The following CHST8 variants were observed in gnomAD, a reference collection of about 807,000 sequenced individuals.
CHST8 encodes the protein carbohydrate sulfotransferase 8, also known as GALNAC-4-ST1.
Under a neutral mutation model 15.0 loss-of-function variants are expected in CHST8, and 10 were observed. That is an observed-to-expected ratio of 0.67 (90% confidence interval 0.41 to 1.13). The LOEUF is 1.13. Ranked by LOEUF, CHST8 falls within the 50% of genes most tolerant of loss-of-function variation. The pLI, the probability that CHST8 is intolerant of heterozygous loss-of-function variation, is 0.00. For synonymous variants in CHST8, 259 were observed against 256.6 expected (o/e 1.01, Z -0.09); for missense variants, 634 against 608.2 (o/e 1.04, Z -0.45).
chr19:33,772,563 G>A lies in CHST8; in HGVS notation c.775G>A (p.Glu259Lys). ...STYTKMLFVREPFERLVSAFR... is the reference protein window; with the variant it reads ...STYTKMLFVRKPFERLVSAFR... ...CTACACCAAGATGCTCTTTGTCCGC[G>A]AGCCCTTCGAGAGGCTGGTGTCCGC... The change falls in exon 5 of 5, where the codon GAG becomes AAG. Residue 259 changes from glutamate to lysine, a missense_variant. Transcript: ENST00000650847. 1 of 1,614,060 alleles carries A rather than the reference G, an allele frequency of 6.2e-7. No individual in the cohort carries two copies. Among genetic ancestry groups the A allele is most frequent in the Non-Finnish European group, 8.5e-7 (1 of 1,180,024 alleles).
At chr19:33,699,994 GCT>G (rs1235282264) in intron 3 of CHST8, among the ~76,000 whole-genome samples, 1 of 152,210 alleles carries the variant, frequency 6.6e-6, no homozygotes, top group Non-Finnish European at 1.5e-5. Flanking sequence ...ACCCCTACCT[GCT>G]CTCTCTGAGC....
intron 1 of CHST8, among the ~76,000 whole-genome samples, chr19:33,650,108 G>A (rs1972415228): frequency 6.6e-6 from 1 of 152,146 alleles, no homozygotes; most frequent in African/African-American, 2.4e-5. Flanking sequence ...TAATGTTCAT[G>A]CTGGTCAGTT....
chr19:33,727,552 G>A (rs536976433), intron 3 of CHST8, among the ~76,000 whole-genome samples: 9 of 152,344 alleles, frequency 5.9e-5, no homozygotes, highest in Non-Finnish European at 1.2e-4. Flanking sequence ...CCTCAGCACC[G>A]GATGGGGCTG....
chr19:33,699,388 C>T (rs187651231), intron 3 of CHST8, among the ~76,000 whole-genome samples: 10 of 152,228 alleles, frequency 6.6e-5, no homozygotes, highest in East Asian at 1.9e-4. Context: ...GGCTCAGCGG[C>T]GCCTGGGGGA....
In CHST8 at chr19:33,773,080, C is replaced by T. The variant is rs1265700393; in HGVS notation, c.*17C>T. ...CTGTACTGAGGGGCGCCGCAGCTGG[C>T]CGGGGCCGCCCTGCCCCGGTCACTC... On this transcript the variant is annotated 3_prime_UTR_variant, in exon 5 of 5. Coordinates refer to ENST00000650847, the MANE Select transcript of CHST8 (RefSeq NM_001127895.2). 1 of 1,571,412 alleles carries T rather than the reference C, an allele frequency of 6.4e-7. No individual in the cohort carries two copies. Among genetic ancestry groups the T allele is most frequent in the South Asian group, 1.2e-5 (1 of 86,736 alleles).
intron 1 of CHST8, among the ~76,000 whole-genome samples, chr19:33,631,740 G>A (rs1291903480): frequency 6.6e-6 from 1 of 152,000 alleles, no homozygotes; most frequent in Non-Finnish European, 1.5e-5. Flanking sequence ...ATGTGTCAGC[G>A]CACAGCCATG....
chr19:33,651,271 C>T (rs191061823), intron 1 of CHST8, among the ~76,000 whole-genome samples: 25 of 151,944 alleles, frequency 1.6e-4, no homozygotes, highest in South Asian at 2.1e-4. Flanking sequence ...AAGTATTTTC[C>T]GGACAATGTT....
Position 33,683,425 on chromosome 19 carries a change from T to G in CHST8, c.-86-5751T>G, listed in dbSNP as rs540564832. Among the ~76,000 whole-genome samples, 577 of 152,304 alleles carry G rather than the reference T, an allele frequency of 3.8e-3. 5 individuals are homozygous for G. Among genetic ancestry groups the G allele is most frequent in the African/African-American group, 0.013 (554 of 41,558 alleles). On this transcript the variant is annotated intron_variant, in intron 2 of 4. Coordinates refer to ENST00000650847, the MANE Select transcript of CHST8 (RefSeq NM_001127895.2). ...TGAGGAGGCAAAAGTGAGGTCCTGG[T>G]GGCGAGCGGGCCTCGGGTATTTCAA...
chr19:33,743,543 T>C (rs1599609828), intron 3 of CHST8, among the ~76,000 whole-genome samples: 2 of 152,144 alleles, frequency 1.3e-5, no homozygotes, highest in African/African-American at 4.8e-5. Context: ...CCTCGTGATC[T>C]GCCCACCTCG....
chr19:33,698,395 AAAAAAAAG>A (rs1033576934), intron 3 of CHST8, among the ~76,000 whole-genome samples: 2 of 149,132 alleles, frequency 1.3e-5, no homozygotes, highest in Non-Finnish European at 3.0e-5. Flanking sequence ...AAAGAAAAAA[AAAAAAAAG>A]AAAGAAAGAA....
At chr19:33,763,297 A>G (rs1974772794) in intron 3 of CHST8, among the ~76,000 whole-genome samples, 2 of 152,180 alleles carry the variant, frequency 1.3e-5, no homozygotes, top group African/African-American at 2.4e-5. Context: ...ACTGTGACTG[A>G]GTTTGATCAT....
In CHST8 at chr19:33,746,168, T is replaced by A. The variant is rs543024355; in HGVS notation, c.131-25245T>A. Among the ~76,000 whole-genome samples the A allele has an allele frequency of 1.0e-3, 157 of 152,344 alleles. 1 individual carries two copies. The highest frequency in any genetic ancestry group is 1.6e-3 in the Non-Finnish European group (109 of 68,024). ...CTGCAAAACTAAAATAGCATTTTTT[T>A]AAAAAACATGGCACTTTAGAGTTCT... On this transcript the variant is annotated intron_variant, in intron 3 of 4. Coordinates refer to ENST00000650847, the MANE Select transcript of CHST8 (RefSeq NM_001127895.2).
At chr19:33,714,274 G>A (rs368106946) in intron 3 of CHST8, among the ~76,000 whole-genome samples, 2 of 151,906 alleles carry the variant, frequency 1.3e-5, no homozygotes, top group Non-Finnish European at 2.9e-5. Flanking sequence ...GAGAGAATTC[G>A]GTAAAGAAAA....
At chr19:33,637,666 T>A (rs58893647) in intron 1 of CHST8, among the ~76,000 whole-genome samples, 2 of 146,758 alleles carry the variant, frequency 1.4e-5, no homozygotes, top group African/African-American at 5.0e-5. Flanking sequence ...CCTCCCAAAG[T>A]GCTGGGATTA....
At chr19:33,725,683 C>T (rs974440064) in intron 3 of CHST8, among the ~76,000 whole-genome samples, 7 of 152,322 alleles carry the variant, frequency 4.6e-5, no homozygotes, top group African/African-American at 7.2e-5. Flanking sequence ...CTGGGGGTCT[C>T]GGCACAGAGG....
chr19:33,725,781 C>A (rs914793384), intron 3 of CHST8, among the ~76,000 whole-genome samples: 1 of 152,172 alleles, frequency 6.6e-6, no homozygotes, highest in Non-Finnish European at 1.5e-5. Flanking sequence ...TTATCTCTAG[C>A]CTCATCTTCT....
chr19:33,631,395 C>T (rs946440427), intron 1 of CHST8, among the ~76,000 whole-genome samples: 1 of 152,154 alleles, frequency 6.6e-6, no homozygotes, highest in African/African-American at 2.4e-5. Flanking sequence ...TGGGATCGCA[C>T]GTGGATTTCC....
intron 1 of CHST8, among the ~76,000 whole-genome samples, chr19:33,630,244 C>T (rs558868342): frequency 3.7e-4 from 56 of 152,344 alleles, no homozygotes; most frequent in African/African-American, 1.2e-3. Flanking sequence ...TGAGCAAACA[C>T]AAGCAGGTTA....
Position 33,740,426 on chromosome 19 carries a change from G to C in CHST8, c.131-30987G>C, listed in dbSNP as rs116277456. 7.4e-3 allele frequency among the ~76,000 whole-genome samples: 1,125 copies of C among 152,356 alleles called. 10 individuals are homozygous for C. Among genetic ancestry groups the C allele is most frequent in the African/African-American group, 0.024 (1,011 of 41,590 alleles). ...AGGTTTCCCTGTGGCCGTGCAGCCT[G>C]TGTGGCATCTGCCATGCAAGGAGGG... On this transcript the variant is annotated intron_variant, in intron 3 of 4. Coordinates refer to ENST00000650847, the MANE Select transcript of CHST8 (RefSeq NM_001127895.2).
Sources: gnomAD v4.1 joint callset for allele counts (sites outside exome capture counted in the v4.1 genomes callset) on GRCh38, gnomAD v4.1.1 for gene constraint, MANE v1.5 for transcripts, NCBI Gene and HGNC (gene_info 2026-07-23, HGNC 2026-07-21) for gene names.